RUNX2: variants seen among roughly 807,000 people sequenced by gnomAD.
The protein encoded by RUNX2 is runt-related transcription factor 2.
RUNX2 carries 10 observed loss-of-function variants against 51.7 expected under a neutral mutation model. The observed-to-expected ratio is 0.19, with a 90% CI of 0.12 to 0.33. The LOEUF is 0.33. Among genes scored for constraint, RUNX2 ranks in the 10% least tolerant of loss-of-function variants. The pLI is 1.00. For synonymous variants in RUNX2, 276 were observed against 273.6 expected (o/e 1.01, Z -0.09); for missense variants, 562 against 691.3 (o/e 0.81, Z 2.10).
chr6:45,387,184 G>C (rs1797368080), intron 2 of RUNX2, among the ~76,000 whole-genome samples: 1 of 152,188 alleles, frequency 6.6e-6, no homozygotes, highest in East Asian at 1.9e-4. Flanking sequence ...TTACTGAGTG[G>C]ATGGTAGTAC....
chr6:45,481,733 C>A (rs1800121705), intron 5 of RUNX2, among the ~76,000 whole-genome samples: 1 of 152,198 alleles, frequency 6.6e-6, no homozygotes, highest in South Asian at 2.1e-4. Flanking sequence ...TCCACGTTTT[C>A]TTCTTTCCCT....
At chr6:45,388,057 T>C (rs927892302) in intron 2 of RUNX2, among the ~76,000 whole-genome samples, 7 of 152,144 alleles carry the variant, frequency 4.6e-5, no homozygotes, top group African/African-American at 1.7e-4. Context: ...ATTTACAGGC[T>C]TTCGAGAAGA....
intron 7 of RUNX2, among the ~76,000 whole-genome samples, chr6:45,519,583 C>CT (rs979966984): frequency 1.7e-4 from 25 of 151,064 alleles, no homozygotes; most frequent in African/African-American, 2.7e-4. Context: ...ACCACAGATT[C>CT]TTTTTTTTTA....
At chr6:45,508,509 T>C (rs1368929274) in intron 6 of RUNX2, among the ~76,000 whole-genome samples, 1 of 152,204 alleles carries the variant, frequency 6.6e-6, no homozygotes, top group East Asian at 1.9e-4. Context: ...ATTACAGGTG[T>C]GAGCCACTGC....
At chr6:45,420,084 T>A (rs1798146492) in intron 2 of RUNX2, among the ~76,000 whole-genome samples, 1 of 151,880 alleles carries the variant, frequency 6.6e-6, no homozygotes, top group Non-Finnish European at 1.5e-5. Context: ...GACAGAGTAG[T>A]ATCCCCTGAA....
At chr6:45,498,102 G>T (rs1427977354) in intron 6 of RUNX2, among the ~76,000 whole-genome samples, 4 of 152,098 alleles carry the variant, frequency 2.6e-5, no homozygotes, top group African/African-American at 9.7e-5. Context: ...AATACAGGAA[G>T]TAAAGGCAGC....
At chr6:45,503,628 C>A (rs1172813085) in intron 6 of RUNX2, among the ~76,000 whole-genome samples, 1 of 152,212 alleles carries the variant, frequency 6.6e-6, no homozygotes, top group African/African-American at 2.4e-5. Flanking sequence ...TCTCCCTCTT[C>A]TAGCTTTGCC....
chr6:45,423,387 T>A (rs1798286843), intron 3 of RUNX2, among the ~76,000 whole-genome samples: 1 of 151,984 alleles, frequency 6.6e-6, no homozygotes, highest in Admixed American at 6.5e-5. Flanking sequence ...GGCTCCCGCG[T>A]CCTTCCGGGA....
chr6:45,372,440 C>T (rs1179971560), intron 2 of RUNX2, among the ~76,000 whole-genome samples: 1 of 151,986 alleles, frequency 6.6e-6, no homozygotes, highest in Non-Finnish European at 1.5e-5. Flanking sequence ...TAAGAGTAGA[C>T]CTTTAAAGAC....
intron 2 of RUNX2, among the ~76,000 whole-genome samples, chr6:45,411,904 T>C (rs16873401): frequency 0.043 from 6,531 of 152,236 alleles, 351 homozygotes; most frequent in African/African-American, 0.12. Flanking sequence ...GCATTAAGCT[T>C]AAGATCTGGA....
At chr6:45,486,661 C>T (rs1800290924) in intron 5 of RUNX2, among the ~76,000 whole-genome samples, 1 of 152,038 alleles carries the variant, frequency 6.6e-6, no homozygotes, top group South Asian at 2.1e-4. Flanking sequence ...TGAAAAGTGC[C>T]TTGTTTTTTG....
chr6:45,511,679 G>A (rs1412621252), intron 6 of RUNX2, among the ~76,000 whole-genome samples: 2 of 152,072 alleles, frequency 1.3e-5, no homozygotes, highest in African/African-American at 2.4e-5. Context: ...GCTAGAAAGG[G>A]CCATTCCATT....
chr6:45,477,693 T>C (rs1799994404), intron 5 of RUNX2, among the ~76,000 whole-genome samples: 1 of 152,228 alleles, frequency 6.6e-6, no homozygotes, highest in African/African-American at 2.4e-5. Context: ...TAGTATACTC[T>C]CTCAGTGTTT....
chr6:45,383,287 A>G (rs1360180492), intron 2 of RUNX2, among the ~76,000 whole-genome samples: 1 of 152,094 alleles, frequency 6.6e-6, no homozygotes, highest in Non-Finnish European at 1.5e-5. Flanking sequence ...CACACAAAAA[A>G]TTAGCCAGGT....
chr6:45,404,922 T>C (rs1162417003), intron 2 of RUNX2, among the ~76,000 whole-genome samples: 1 of 152,274 alleles, frequency 6.6e-6, no homozygotes, highest in Non-Finnish European at 1.5e-5. Flanking sequence ...ATTAACCCTC[T>C]TGCCTTTTGG....
At chr6:45,404,097 T>C (rs1797778379) in intron 2 of RUNX2, among the ~76,000 whole-genome samples, 1 of 151,200 alleles carries the variant, frequency 6.6e-6, no homozygotes, top group Non-Finnish European at 1.5e-5. Flanking sequence ...GTACCTCTAC[T>C]AAAAATACAA....
At chr6:45,347,902 G>T (rs973809293) in intron 2 of RUNX2, among the ~76,000 whole-genome samples, 3 of 152,030 alleles carry the variant, frequency 2.0e-5, no homozygotes, top group African/African-American at 7.2e-5. Context: ...TGTCAGTATG[G>T]TTACCTGTGA....
At chr6:45,404,275 G>GAAAAAAAAAAAAAAAAAAAAAA (rs1174063286) in intron 2 of RUNX2, among the ~76,000 whole-genome samples, 1 of 107,688 alleles carries the variant, frequency 9.3e-6, no homozygotes, top group Non-Finnish European at 1.9e-5. Context: ...AAAAAAAAAA[G>GAAAAAAAAAAAAAAAAAAAAAA]AAAAAGAAAA....
intron 5 of RUNX2, among the ~76,000 whole-genome samples, chr6:45,447,622 G>A (rs561951233): frequency 6.6e-6 from 1 of 152,062 alleles, no homozygotes; most frequent in East Asian, 1.9e-4. Context: ...TTCTAATGTC[G>A]TTATCTGATA....
Sources: allele counts gnomAD v4.1 joint callset (sites outside exome capture counted in the v4.1 genomes callset), GRCh38; gene constraint gnomAD v4.1.1; transcripts MANE v1.5; gene names NCBI Gene and HGNC (gene_info 2026-07-23, HGNC 2026-07-21).